Variants in SV2C observed in about 807,000 individuals in gnomAD.
SV2C encodes solute carrier family 22 member B3.
In SV2C, 49 loss-of-function variants were observed where a neutral mutation model predicts 79.7. The ratio of observed to expected loss-of-function variants is 0.61; its 90% CI spans 0.49 to 0.78. The LOEUF (loss-of-function observed/expected upper bound fraction) is 0.78. Among genes scored for constraint, SV2C ranks in the 30% least tolerant of loss-of-function variants. The probability of loss-of-function intolerance (pLI) is 0.00; values close to 1 mark genes in which losing one functional copy is unlikely to be tolerated. For synonymous variants in SV2C, 334 were observed against 333.2 expected, an observed-to-expected ratio of 1.00 and a Z score of -0.03; for missense variants, 833 against 912.9, an observed-to-expected ratio of 0.91 and a Z score of 1.13.
chr5:76,240,753 T>C (rs1277450822), intron 4 of SV2C, among the ~76,000 whole-genome samples: 1 of 152,148 alleles, frequency 6.6e-6, no homozygotes, highest in Non-Finnish European at 1.5e-5. Flanking sequence ...CAGGCTCCAT[T>C]TGGGGAAACC....
the SV2C span, among the ~76,000 whole-genome samples, chr5:75,853,989 A>G: frequency 1.4e-5 from 2 of 143,634 alleles, no homozygotes; most frequent in African/African-American, 2.7e-5. Context: ...GAATGCATCT[A>G]TCACCAAAAA....
intron 4 of SV2C, among the ~76,000 whole-genome samples, chr5:76,264,736 G>A (rs1445773716): frequency 6.6e-6 from 1 of 152,178 alleles, no homozygotes; most frequent in Non-Finnish European, 1.5e-5. Flanking sequence ...CGGCTCCAGA[G>A]CCTATTTGCC....
In SV2C at chr5:76,318,681, A is replaced by G. The variant is rs77131138; in HGVS notation, c.2001-6683A>G. On this transcript the variant is annotated intron_variant, in intron 12 of 12. Coordinates refer to ENST00000502798, the MANE Select transcript of SV2C (RefSeq NM_014979.4). ...TGCAGTCACAGGGTACTTTTGGGGGAAATAATTTACATTTAAAAATTTTAA... is the reference window on the plus strand; with the variant it reads ...TGCAGTCACAGGGTACTTTTGGGGGGAATAATTTACATTTAAAAATTTTAA... Among the ~76,000 whole-genome samples the G allele has an allele frequency of 6.8e-3, 1,042 of 152,286 alleles. 8 individuals are homozygous for G. The highest frequency in any genetic ancestry group is 0.012 in the Non-Finnish European group (795 of 68,020).
rs966616481 is a variant in SV2C at position 76,132,203 on chromosome 5, G to C, written c.453G>C (p.Gln151His). Residue 151 changes from glutamine to histidine, a missense_variant, in exon 2 of 13, where the codon CAG (glutamine) becomes CAC (histidine). Coordinates refer to ENST00000502798, the MANE Select transcript of SV2C (RefSeq NM_014979.4). ...IIQECGHGRF[Q>H]WALFFVLGMA... The stretch of plus-strand genomic sequence containing the variant: ...AAGAATGCGGTCATGGTCGTTTTCA[G>C]TGGGCCCTTTTCTTCGTCCTGGGCA... 6.2e-7 allele frequency: 1 copy of C among 1,614,046 alleles called. No individual in the cohort carries two copies. Among genetic ancestry groups the C allele is most frequent in the Non-Finnish European group, 8.5e-7 (1 of 1,180,032 alleles).
the SV2C span, among the ~76,000 whole-genome samples, chr5:76,018,781 A>C: frequency 6.6e-6 from 1 of 152,214 alleles, no homozygotes; most frequent in Non-Finnish European, 1.5e-5. Flanking sequence ...TATTTGTTCA[A>C]GGAAAAGAAT....
At chr5:75,948,342 C>T in the SV2C span, among the ~76,000 whole-genome samples, 75,763 of 151,884 alleles carry the variant, frequency 0.5, 19,117 homozygotes, top group African/African-American at 0.56. Flanking sequence ...CTCAGAAATG[C>T]ACATACATTT....
At chr5:75,848,522 C>T in the SV2C span, among the ~76,000 whole-genome samples, 59 of 152,236 alleles carry the variant, frequency 3.9e-4, no homozygotes, top group East Asian at 5.2e-3. Context: ...GAATTGGTTG[C>T]GAGGAGAATC....
the SV2C span, among the ~76,000 whole-genome samples, chr5:76,034,193 A>G: frequency 2.0e-5 from 3 of 151,650 alleles, no homozygotes; most frequent in Non-Finnish European, 4.4e-5. Flanking sequence ...GTCATCTGCA[A>G]ACAGGGACAA....
chr5:76,281,096 A>T, intron 4 of SV2C: 1 of 542,456 alleles, frequency 1.8e-6, no homozygotes. Context: ...AAAAAAACTA[A>T]AGCAGTAGAG....
At chr5:76,139,452 C>T (rs994241201) in intron 2 of SV2C, among the ~76,000 whole-genome samples, 2 of 152,208 alleles carry the variant, frequency 1.3e-5, no homozygotes, top group East Asian at 1.9e-4. Flanking sequence ...CCAAAGATTG[C>T]CAGTTTTCTT....
intron 2 of SV2C, among the ~76,000 whole-genome samples, chr5:76,176,824 C>G (rs1457908364): frequency 6.6e-6 from 1 of 152,088 alleles, no homozygotes; most frequent in Non-Finnish European, 1.5e-5. Context: ...TTCTTTAAAA[C>G]TGAAAGTAGA....
the SV2C span, among the ~76,000 whole-genome samples, chr5:75,961,514 T>C: frequency 1.3e-5 from 2 of 151,980 alleles, no homozygotes; most frequent in African/African-American, 4.8e-5. Context: ...AATAAAATCA[T>C]AATTATTTTG....
the SV2C span, among the ~76,000 whole-genome samples, chr5:75,930,263 AG>A: frequency 6.6e-6 from 1 of 152,134 alleles, no homozygotes; most frequent in East Asian, 1.9e-4. Context: ...ACGTTTGGGA[AG>A]GGGACCAGGA....
intron 4 of SV2C, among the ~76,000 whole-genome samples, chr5:76,218,644 T>C (rs1188613946): frequency 6.6e-6 from 1 of 152,164 alleles, no homozygotes; most frequent in Non-Finnish European, 1.5e-5. Flanking sequence ...TAGGACCTAA[T>C]GCATGTGGGG....
At chr5:76,034,981 G>C in the SV2C span, among the ~76,000 whole-genome samples, 1 of 152,184 alleles carries the variant, frequency 6.6e-6, no homozygotes, top group Non-Finnish European at 1.5e-5. Context: ...TCTTGGGAGA[G>C]TGTATGTGTT....
intron 2 of SV2C, among the ~76,000 whole-genome samples, chr5:76,164,301 A>G (rs1240224072): frequency 6.6e-6 from 1 of 152,200 alleles, no homozygotes; most frequent in Non-Finnish European, 1.5e-5. Context: ...TAAATTGTTA[A>G]AGAATTACCT....
At chr5:76,049,964 A>T in the SV2C span, among the ~76,000 whole-genome samples, 12 of 152,338 alleles carry the variant, frequency 7.9e-5, no homozygotes, top group South Asian at 2.5e-3. Flanking sequence ...GCCTGGGTTG[A>T]ATCTTACCTA....
At chr5:76,118,773 G>A (rs970367903) in intron 1 of SV2C, among the ~76,000 whole-genome samples, 2 of 152,196 alleles carry the variant, frequency 1.3e-5, no homozygotes, top group Admixed American at 1.3e-4. Flanking sequence ...CTTGAGGACA[G>A]GAGTTCGAGA....
the SV2C span, among the ~76,000 whole-genome samples, chr5:76,015,463 A>G: frequency 1.3e-5 from 2 of 152,146 alleles, no homozygotes; most frequent in African/African-American, 4.8e-5. Flanking sequence ...CCTACCCACA[A>G]TGCCACTGCA....
Sources: gnomAD v4.1 joint callset for allele counts (sites outside exome capture counted in the v4.1 genomes callset) on GRCh38, gnomAD v4.1.1 for gene constraint, MANE v1.5 for transcripts, NCBI Gene and HGNC (gene_info 2026-07-23, HGNC 2026-07-21) for gene names.